The following DDC variants were observed in gnomAD, a reference collection of about 807,000 sequenced individuals.
DDC encodes the protein aromatic-L-amino-acid decarboxylase.
Under a neutral mutation model 60.0 loss-of-function variants are expected in DDC, and 43 were observed. That is an observed-to-expected ratio of 0.72 (90% CI 0.56 to 0.92). The LOEUF is 0.92. Ranked by LOEUF, DDC falls within the 40% of genes least tolerant of loss-of-function variation. The pLI, the probability that DDC is intolerant of heterozygous loss-of-function variation, is 0.00. For synonymous variants in DDC, 232 were observed against 234.6 expected (o/e 0.99, Z 0.10); for missense variants, 573 against 620.2 (o/e 0.92, Z 0.81).
At chr7:50,459,210 C>G (rs991703804) in intron 14 of DDC, among the ~76,000 whole-genome samples, 1 of 152,244 alleles carries the variant, frequency 6.6e-6, no homozygotes, top group Admixed American at 6.5e-5. Flanking sequence ...CCGCCAGCCT[C>G]GGCCTCCCGA....
intron 7 of DDC, among the ~76,000 whole-genome samples, chr7:50,499,969 T>C: frequency 6.6e-6 from 1 of 152,174 alleles, no homozygotes; most frequent in East Asian, 1.9e-4. Flanking sequence ...GATGAAATAG[T>C]ACCCATAGGC....
chr7:50,484,032 T>G (rs2167367), intron 9 of DDC, among the ~76,000 whole-genome samples: 83,792 of 152,078 alleles, frequency 0.55, 23,281 homozygotes, highest in Admixed American at 0.62. Context: ...TATCATGTTT[T>G]GTTGTAGTTA....
At chr7:50,494,289 T>C (rs1317672510) in intron 9 of DDC, among the ~76,000 whole-genome samples, 1 of 152,126 alleles carries the variant, frequency 6.6e-6, no homozygotes, top group Non-Finnish European at 1.5e-5. Context: ...GGGTGGATCA[T>C]GAGGTCAGGA....
intron 14 of DDC, among the ~76,000 whole-genome samples, chr7:50,460,935 A>C (rs369773800): frequency 0.016 from 2,374 of 151,614 alleles, 50 homozygotes; most frequent in East Asian, 0.081. Context: ...GGTCCTCTGC[A>C]TAGGAAAACC....
intron 9 of DDC, among the ~76,000 whole-genome samples, chr7:50,491,811 C>G (rs1033556645): frequency 2.6e-5 from 4 of 152,132 alleles, no homozygotes; most frequent in Admixed American, 6.5e-5. Flanking sequence ...TGACCATTCC[C>G]TCCCTCTTTC....
intron 6 of DDC, among the ~76,000 whole-genome samples, chr7:50,525,193 A>G (rs909399389): frequency 1.3e-5 from 2 of 152,214 alleles, no homozygotes; most frequent in Non-Finnish European, 2.9e-5. Flanking sequence ...GTAGGAGATC[A>G]GGAAGGTGAG....
At chr7:50,537,579 G>A (rs183270934) in intron 4 of DDC, among the ~76,000 whole-genome samples, 28 of 152,332 alleles carry the variant, frequency 1.8e-4, no homozygotes, top group African/African-American at 6.0e-4. Flanking sequence ...TTACTTCCAC[G>A]CACCTGCTGT....
intron 4 of DDC, among the ~76,000 whole-genome samples, chr7:50,535,407 A>G (rs1395863221): frequency 6.6e-6 from 1 of 152,230 alleles, no homozygotes; most frequent in African/African-American, 2.4e-5. Context: ...TTGGCCTCAC[A>G]AAGTGCTGGG....
At chr7:50,540,723 G>A (rs945721106) in intron 2 of DDC, among the ~76,000 whole-genome samples, 9 of 152,190 alleles carry the variant, frequency 5.9e-5, no homozygotes, top group Admixed American at 5.2e-4. Flanking sequence ...AGCCCATAAG[G>A]TGAACACCTG....
In DDC at chr7:50,537,931, G is replaced by A; in HGVS notation, c.364C>T (p.Leu122Phe). 6.2e-7 allele frequency: 1 copy of A among 1,614,086 alleles called. No individual in the cohort carries two copies. Among genetic ancestry groups the A allele is most frequent in the Non-Finnish European group, 8.5e-7 (1 of 1,180,004 alleles). ...TTTGGTAGTTCCAGCATCTTCCCGA[G>A]CCAGTCCATCATCACAGTCTCCAGC... ...TELETVMMDW[L>F]GKMLELPKAF... Residue 122 changes from leucine (L) to phenylalanine (F), a missense_variant, in exon 4 of 15, where the codon CTC becomes TTC. Physicochemically the swap from Leu to Phe is conservative, Grantham distance 22. Transcript: ENST00000444124.
chr7:50,537,580 C>T (rs187550070), intron 4 of DDC, among the ~76,000 whole-genome samples: 2 of 152,336 alleles, frequency 1.3e-5, no homozygotes, highest in East Asian at 3.9e-4. Context: ...TACTTCCACG[C>T]ACCTGCTGTG....
At chr7:50,519,705 G>A (rs1007783286) in intron 6 of DDC, among the ~76,000 whole-genome samples, 1 of 152,106 alleles carries the variant, frequency 6.6e-6, no homozygotes, top group Non-Finnish European at 1.5e-5. Flanking sequence ...ACAAAGGCAT[G>A]AGAATGATAC....
chr7:50,564,708 G>T (rs1563059284), intron 1 of DDC, among the ~76,000 whole-genome samples: 1 of 152,132 alleles, frequency 6.6e-6, no homozygotes, highest in African/African-American at 2.4e-5. Context: ...ACTCAGCATG[G>T]CAAGTTGGTG....
intron 10 of DDC, among the ~76,000 whole-genome samples, chr7:50,478,189 G>T (rs1360583278): frequency 6.8e-6 from 1 of 148,132 alleles, no homozygotes; most frequent in Non-Finnish European, 1.5e-5. Context: ...TTCCAGCTTG[G>T]GTGACAGAGC....
chr7:50,479,437 A>C (rs1188741076), intron 10 of DDC, among the ~76,000 whole-genome samples: 1 of 152,180 alleles, frequency 6.6e-6, no homozygotes, highest in African/African-American at 2.4e-5. Flanking sequence ...GCCTTTTTGT[A>C]GACATTATGG....
chr7:50,520,876 C>A (rs1000879966), intron 6 of DDC, among the ~76,000 whole-genome samples: 1 of 150,648 alleles, frequency 6.6e-6, no homozygotes, highest in African/African-American at 2.5e-5. Flanking sequence ...CCAGCCTAGG[C>A]AACAGAGTAA....
chr7:50,545,122 G>A (rs191092878), intron 1 of DDC, among the ~76,000 whole-genome samples: 29 of 152,330 alleles, frequency 1.9e-4, no homozygotes, highest in Admixed American at 1.7e-3. Context: ...TGAATAGACA[G>A]AGAGAAGGAC....
chr7:50,516,465 T>C (rs964391425), intron 6 of DDC, among the ~76,000 whole-genome samples: 5 of 151,510 alleles, frequency 3.3e-5, no homozygotes, highest in Admixed American at 1.3e-4. Flanking sequence ...AAACACCTCA[T>C]TGAAAAGACT....
At chr7:50,507,747 A>G (rs2043440444) in intron 6 of DDC, among the ~76,000 whole-genome samples, 1 of 152,208 alleles carries the variant, frequency 6.6e-6, no homozygotes, top group Non-Finnish European at 1.5e-5. Flanking sequence ...TGCAGAAACA[A>G]TAAAACCCGG....
Sources: gnomAD v4.1 joint callset for allele counts (sites outside exome capture counted in the v4.1 genomes callset) on GRCh38, gnomAD v4.1.1 for gene constraint, MANE v1.5 for transcripts, NCBI Gene and HGNC (gene_info 2026-07-23, HGNC 2026-07-21) for gene names.